The following DIP2B variants were observed in gnomAD, a reference collection of about 807,000 sequenced individuals.
The protein encoded by DIP2B is disco-interacting protein 2 homolog B.
In DIP2B, 76 loss-of-function variants were observed where a neutral mutation model predicts 198.0. The observed-to-expected ratio is 0.38, with a 90% confidence interval of 0.32 to 0.46. The LOEUF (loss-of-function observed/expected upper bound fraction) is 0.46, where lower values mean the gene tolerates loss of function less well. Ranked by LOEUF, DIP2B falls within the 20% of genes least tolerant of loss-of-function variation. The probability of loss-of-function intolerance (pLI) is 0.99; values close to 1 mark genes in which losing one functional copy is unlikely to be tolerated. For synonymous variants in DIP2B, 701 were observed against 739.1 expected (o/e 0.95, Z 0.84); for missense variants, 1,559 against 1,978.4 (o/e 0.79, Z 4.02).
chr12:50,557,670 T>A (rs1374020493), intron 1 of DIP2B, among the ~76,000 whole-genome samples: 2 of 152,260 alleles, frequency 1.3e-5, no homozygotes, highest in Non-Finnish European at 1.5e-5. Context: ...CCAGCAAAAA[T>A]TTGTTACTGT....
intron 1 of DIP2B, among the ~76,000 whole-genome samples, chr12:50,556,643 A>G (rs1958474220): frequency 6.6e-6 from 1 of 151,564 alleles, no homozygotes; most frequent in Non-Finnish European, 1.5e-5. Context: ...CCCGGGTTCA[A>G]GCGATTCTCC....
chr12:50,529,079 A>T (rs1384300650), intron 1 of DIP2B, among the ~76,000 whole-genome samples: 1 of 152,194 alleles, frequency 6.6e-6, no homozygotes, highest in Non-Finnish European at 1.5e-5. Flanking sequence ...GGGGCAGGAC[A>T]TGGCAGTACT....
At position 50,623,421 on chromosome 12, in the gene DIP2B, ACACACACACACACACACTCT is replaced by A. The variant is rs1349670049; in HGVS notation, c.101-2553_101-2534del. The stretch of plus-strand genomic sequence containing the variant: ...CACACACACACACACACACACACAC[ACACACACACACACACACTCT>A]CTCTCTCTCTCTCTCTCTCTCTCTC... On this transcript the variant is annotated intron_variant, in intron 1 of 37. Transcript: ENST00000301180. Among the ~76,000 whole-genome samples, 542 of 96,940 alleles carry A rather than the reference ACACACACACACACACACTCT, an allele frequency of 5.6e-3. 3 individuals are homozygous for A. Among genetic ancestry groups the A allele is most frequent in the Admixed American group, 8.7e-3 (83 of 9,588 alleles). 63.6% of individuals were successfully genotyped at this position (96,940 alleles called of 152,430 possible).
intron 8 of DIP2B, 44 bp downstream of exon 8, chr12:50,678,920 C>CAGAA: frequency 6.2e-7 from 1 of 1,606,268 alleles, no homozygotes; most frequent in Non-Finnish European, 8.5e-7. Context: ...GAGAGTTCTT[C>CAGAA]AGAATATCAT....
At chr12:50,581,922 C>T (rs541296936) in intron 1 of DIP2B, among the ~76,000 whole-genome samples, 3 of 152,118 alleles carry the variant, frequency 2.0e-5, no homozygotes, top group East Asian at 3.9e-4. Flanking sequence ...AGAATGTAGC[C>T]TTTAATACTG....
chr12:50,573,787 T>C (rs1593620404), intron 1 of DIP2B, among the ~76,000 whole-genome samples: 1 of 152,374 alleles, frequency 6.6e-6, no homozygotes, highest in South Asian at 2.1e-4. Flanking sequence ...TGTCACAGTG[T>C]GATGTATGCT....
At chr12:50,711,567 TG>T (rs537389518) in intron 22 of DIP2B, among the ~76,000 whole-genome samples, 161 of 152,278 alleles carry the variant, frequency 1.1e-3, no homozygotes, top group African/African-American at 3.7e-3. Context: ...TTTGTTTGTT[TG>T]TTTTGTTTTT....
At chr12:50,731,627 C>A in intron 31 of DIP2B, 90 bp downstream of exon 31, 1 of 1,422,196 alleles carries the variant, frequency 7.0e-7, no homozygotes, top group Non-Finnish European at 9.4e-7. Context: ...GGCTAACAGA[C>A]ATGTTTGCTT....
chr12:50,582,145 G>GTTTTTTTTTTTTTTTTTTTTTT (rs367699036), intron 1 of DIP2B, among the ~76,000 whole-genome samples: 1 of 77,550 alleles, frequency 1.3e-5, no homozygotes, highest in Non-Finnish European at 2.3e-5. Context: ...CTTTTTTTCT[G>GTTTTTTTTTTTTTTTTTTTTTT]TTTTTTTTTT....
rs764426717 is a variant in DIP2B at position 50,732,412 on chromosome 12, C to T, written c.3857C>T (p.Ala1286Val). Residue 1286 changes from alanine to valine, a missense_variant, in exon 32 of 38, where the codon GCG (alanine) becomes GTG (valine). Transcript: ENST00000301180. ...LSCVRTCVVVAEERPRVALQQ... is the reference protein window; with the variant it reads ...LSCVRTCVVVVEERPRVALQQ... ...TGCGTCCGGACCTGTGTGGTGGTGG[C>T]GGAGGAGAGGCCCCGCGTTGCACTC... The T allele has an allele frequency of 3.5e-5, 57 of 1,614,166 alleles. No homozygotes were observed. The highest frequency in any genetic ancestry group is 6.7e-5 in the African/African-American group (5 of 75,048).
At position 50,730,289 on chromosome 12, in the gene DIP2B, C is replaced by T. The variant is rs74239948; in HGVS notation, c.3642-1080C>T. Reference sequence around the variant, plus strand: ...CCTTCTGGCCTTACTTCTCCATTCACCCTGTATGCTACGATTTCAGTTGAA... The same window carrying T: ...CCTTCTGGCCTTACTTCTCCATTCATCCTGTATGCTACGATTTCAGTTGAA... On this transcript the variant is annotated intron_variant, in intron 30 of 37. Coordinates refer to ENST00000301180, the MANE Select transcript of DIP2B (RefSeq NM_173602.3). 8.7e-4 allele frequency among the ~76,000 whole-genome samples: 132 copies of T among 152,284 alleles called. 1 individual carries two copies. In the East Asian group the frequency reaches 0.021, roughly 24 times the overall value.
Position 50,683,168 on chromosome 12 carries a change from G to A in DIP2B, c.1237G>A (p.Val413Ile), listed in dbSNP as rs534812393. 1.2e-6 allele frequency: 2 copies of A among 1,612,314 alleles called. No homozygotes were observed. The highest frequency in any genetic ancestry group is 2.2e-5 in the South Asian group (2 of 90,504). Reference protein sequence around the residue: ...VALVYPNNDPVMFMVAFYGCL... With the variant: ...VALVYPNNDPIMFMVAFYGCL... ...CCTGGTTTACCCCAACAATGATCCAGTCATGTTTATGGTGGCTTTCTATGG... is the reference window on the plus strand; with the variant it reads ...CCTGGTTTACCCCAACAATGATCCAATCATGTTTATGGTGGCTTTCTATGG... Residue 413 changes from valine (V) to isoleucine (I), a missense_variant, in exon 10 of 38, where the codon GTC (valine) becomes ATC (isoleucine). By Grantham distance (29) the Val-to-Ile change is conservative (BLOSUM62 3). Coordinates refer to ENST00000301180, the MANE Select transcript of DIP2B (RefSeq NM_173602.3).
At chr12:50,632,903 A>G (rs551269929) in intron 2 of DIP2B, among the ~76,000 whole-genome samples, 1 of 152,044 alleles carries the variant, frequency 6.6e-6, no homozygotes, top group Non-Finnish European at 1.5e-5. Flanking sequence ...TATTGTGTGC[A>G]CATGCTCCTT....
At chr12:50,730,924 G>C (rs1433402828) in intron 30 of DIP2B, among the ~76,000 whole-genome samples, 1 of 152,136 alleles carries the variant, frequency 6.6e-6, no homozygotes, top group Non-Finnish European at 1.5e-5. Flanking sequence ...TGTGATGTCA[G>C]TGTTCTTGAT....
intron 1 of DIP2B, among the ~76,000 whole-genome samples, chr12:50,511,321 G>T (rs1371267398): frequency 7.0e-5 from 1 of 14,344 alleles, no homozygotes; most frequent in Non-Finnish European, 1.5e-4. Context: ...TTGAGACAGG[G>T]TCTCACTCTG....
intron 4 of DIP2B, among the ~76,000 whole-genome samples, chr12:50,670,440 G>T (rs373616352): frequency 6.6e-6 from 1 of 152,070 alleles, no homozygotes; most frequent in East Asian, 1.9e-4. Context: ...TTTTGAGTTG[G>T]AGTCTCGCTC....
At chr12:50,621,625 G>A (rs1376498047) in intron 1 of DIP2B, among the ~76,000 whole-genome samples, 3 of 152,158 alleles carry the variant, frequency 2.0e-5, no homozygotes, top group Non-Finnish European at 2.9e-5. Flanking sequence ...GACATGGGGT[G>A]TAAACACATA....
chr12:50,548,019 G>A (rs902273841), intron 1 of DIP2B, among the ~76,000 whole-genome samples: 5 of 152,054 alleles, frequency 3.3e-5, no homozygotes, highest in East Asian at 1.9e-4. Context: ...CTGTGGGCTA[G>A]GACAGCACTC....
At chr12:50,523,887 T>C (rs1040020227) in intron 1 of DIP2B, among the ~76,000 whole-genome samples, 1 of 152,226 alleles carries the variant, frequency 6.6e-6, no homozygotes, top group Non-Finnish European at 1.5e-5. Flanking sequence ...AACTTGTTGA[T>C]ATTCTGTTTA....
Sources: gnomAD v4.1 joint callset for allele counts (sites outside exome capture counted in the v4.1 genomes callset) on GRCh38, gnomAD v4.1.1 for gene constraint, MANE v1.5 for transcripts, NCBI Gene and HGNC (gene_info 2026-07-23, HGNC 2026-07-21) for gene names.